The following OLFM4 variants were observed in gnomAD, a reference collection of about 807,000 sequenced individuals.
The protein encoded by OLFM4 is olfactomedin-4.
A neutral mutation model predicts 25.5 loss-of-function variants in OLFM4; 22 were observed. That is an observed-to-expected ratio of 0.86 (90% confidence interval 0.62 to 1.23). The LOEUF (loss-of-function observed/expected upper bound fraction) is 1.23, where lower values mean the gene tolerates loss of function less well. Ranked by LOEUF, OLFM4 falls within the 50% of genes most tolerant of loss-of-function variation. OLFM4 has a pLI of 0.00. For missense variants in OLFM4, 594 were observed against 619.4 expected (o/e 0.96, Z 0.44); for synonymous variants, 255 against 237.7 (o/e 1.07, Z -0.67).
chr13:53,049,885 C>A, intron 4 of OLFM4, 84 bp from the exon 5 acceptor site: 1 of 1,358,876 alleles, frequency 7.4e-7, no homozygotes, highest in Non-Finnish European at 1.0e-6. Flanking sequence ...TTTATAGATT[C>A]CTTTGGTGCT....
At chr13:53,029,540 G>A (rs529120049) in intron 1 of OLFM4, among the ~76,000 whole-genome samples, 59 of 152,278 alleles carry the variant, frequency 3.9e-4, no homozygotes, top group African/African-American at 1.2e-3. Flanking sequence ...AGTAGCCCTC[G>A]AGGGAGTGAG....
chr13:53,034,591 C>T (rs981700915), intron 2 of OLFM4, 91 bp downstream of exon 2: 1 of 1,094,646 alleles, frequency 9.1e-7, no homozygotes, highest in East Asian at 2.6e-5. Context: ...TCATTCTTCA[C>T]TATCAAAGAC....
chr13:53,048,159 G>A (rs1954725304), intron 4 of OLFM4, among the ~76,000 whole-genome samples: 1 of 152,104 alleles, frequency 6.6e-6, no homozygotes, highest in Non-Finnish European at 1.5e-5. Flanking sequence ...ATAAACAAAA[G>A]CAAACAAGCA....
At chr13:53,042,980 C>T (rs1036360529) in intron 3 of OLFM4, 125 bp from the exon 4 acceptor site, 4 of 690,546 alleles carry the variant, frequency 5.8e-6, no homozygotes, top group Admixed American at 6.3e-5. Context: ...CCAAATGAAA[C>T]CATTCAGAAG....
In OLFM4 at chr13:53,033,401, G is replaced by A. The variant is rs190976360; in HGVS notation, c.205-947G>A. On this transcript the variant is annotated intron_variant, in intron 1 of 4. Coordinates refer to ENST00000219022, the MANE Select transcript of OLFM4 (RefSeq NM_006418.5). ...GATGTTAATTTGCAATTTCCCAGGC[G>A]ATGAGAGGATATGAATTTGCATCAT... Among the ~76,000 whole-genome samples the A allele has an allele frequency of 3.3e-5, 5 of 152,272 alleles. No homozygotes were observed. The East Asian group carries it at 5.8e-4, about 18-fold the overall frequency.
intron 1 of OLFM4, among the ~76,000 whole-genome samples, chr13:53,032,239 A>C (rs1954632931): frequency 6.6e-6 from 1 of 152,194 alleles, no homozygotes; most frequent in South Asian, 2.1e-4. Flanking sequence ...GCTTGATGAT[A>C]TCCACTGTTT....
chr13:53,037,120 G>A (rs541142959), intron 2 of OLFM4, among the ~76,000 whole-genome samples: 51 of 152,334 alleles, frequency 3.3e-4, no homozygotes, highest in African/African-American at 1.2e-3. Flanking sequence ...TGCCCGTTTA[G>A]GACAGGCCAG....
chr13:53,033,931 G>A (rs1003909068), intron 1 of OLFM4, among the ~76,000 whole-genome samples: 1 of 80,306 alleles, frequency 1.2e-5, no homozygotes, highest in Admixed American at 1.6e-4. Context: ...GTGGTGGCGG[G>A]CTGTAGTCCC....
chr13:53,042,175 C>A, intron 3 of OLFM4, 53 bp downstream of exon 3: 1 of 1,488,828 alleles, frequency 6.7e-7, no homozygotes, highest in Non-Finnish European at 9.3e-7. Context: ...CCTTCAGTGA[C>A]TGTAAGCAAG....
At chr13:53,038,344 A>C (rs1370839165) in intron 2 of OLFM4, among the ~76,000 whole-genome samples, 1 of 152,182 alleles carries the variant, frequency 6.6e-6, no homozygotes, top group African/African-American at 2.4e-5. Flanking sequence ...ATGTTCTGAT[A>C]AATGCATCGT....
intron 4 of OLFM4, among the ~76,000 whole-genome samples, chr13:53,044,333 C>A (rs1232288047): frequency 6.6e-6 from 1 of 152,160 alleles, no homozygotes; most frequent in Non-Finnish European, 1.5e-5. Context: ...GACACAGGGA[C>A]CTTCTCTCTG....
intron 3 of OLFM4, 43 bp downstream of exon 3, chr13:53,042,165 C>T: frequency 6.5e-7 from 1 of 1,533,356 alleles, no homozygotes; most frequent in Non-Finnish European, 9.0e-7. Flanking sequence ...TAATAAACTC[C>T]CTTCAGTGAC....
chr13:53,031,855 C>A (rs1954630899), intron 1 of OLFM4, among the ~76,000 whole-genome samples: 2 of 152,232 alleles, frequency 1.3e-5, no homozygotes, highest in Non-Finnish European at 2.9e-5. Flanking sequence ...ATCGCATATT[C>A]TTCCAAAGGC....
In OLFM4 at chr13:53,050,968, G is replaced by C. The variant is rs1309677994; in HGVS notation, c.*197G>C. ...TCTTGGGAATCATCTGCCTCTTCAGGCGCATTTTGCAATAAAGTCTGTCTA... is the reference window on the plus strand; with the variant it reads ...TCTTGGGAATCATCTGCCTCTTCAGCCGCATTTTGCAATAAAGTCTGTCTA... On this transcript the variant is annotated 3_prime_UTR_variant, in exon 5 of 5. Coordinates refer to ENST00000219022, the MANE Select transcript of OLFM4 (RefSeq NM_006418.5). The C allele has an allele frequency of 3.6e-6, 2 of 551,234 alleles. No homozygotes were observed. Among genetic ancestry groups the C allele is most frequent in the Admixed American group, 3.6e-5 (1 of 27,884 alleles). The allele number at this position is 551,234 out of a possible 1,614,324, so 34.1% of individuals were successfully genotyped here. A position where few individuals can be genotyped will look rare whatever the true frequency, so the allele number is the denominator to read the frequency against.
chr13:53,033,870 C>T (rs1954641948), intron 1 of OLFM4, among the ~76,000 whole-genome samples: 1 of 146,892 alleles, frequency 6.8e-6, no homozygotes, highest in African/African-American at 2.4e-5. Flanking sequence ...ACCACCCTGG[C>T]TAACACGGTG....
At chr13:53,035,807 A>G (rs897365545) in intron 2 of OLFM4, among the ~76,000 whole-genome samples, 2 of 152,206 alleles carry the variant, frequency 1.3e-5, no homozygotes, top group African/African-American at 4.8e-5. Flanking sequence ...GTTATCTTAA[A>G]GGGTTTGCCT....
At chr13:53,042,990 G>T in intron 3 of OLFM4, 115 bp from the exon 4 acceptor site, 1 of 760,788 alleles carries the variant, frequency 1.3e-6, no homozygotes. Flanking sequence ...CCATTCAGAA[G>T]AATCTCTGGT....
At position 53,050,807 on chromosome 13, in the gene OLFM4, G is replaced by T; in HGVS notation, c.*36G>T. On this transcript the variant is annotated 3_prime_UTR_variant, in exon 5 of 5. Transcript: ENST00000219022. ...AGTTAGGGTGAAAGAGAAAATGTTTGTTGAAAAAATAGTCTTCTCCACTTA... is the reference window on the plus strand; with the variant it reads ...AGTTAGGGTGAAAGAGAAAATGTTTTTTGAAAAAATAGTCTTCTCCACTTA... The T allele has an allele frequency of 6.6e-7, 1 of 1,520,930 alleles. No homozygotes were observed. Among genetic ancestry groups the T allele is most frequent in the African/African-American group, 1.4e-5 (1 of 71,724 alleles). The allele number at this position is 1,520,930 out of a possible 1,614,324, so 94.2% of individuals were successfully genotyped here.
intron 2 of OLFM4, among the ~76,000 whole-genome samples, chr13:53,041,308 C>T (rs1345255911): frequency 2.0e-5 from 3 of 152,118 alleles, no homozygotes; most frequent in Non-Finnish European, 4.4e-5. Flanking sequence ...AGAATGAGAT[C>T]ATGTTCTTTG....
Sources: allele counts gnomAD v4.1 joint callset (sites outside exome capture counted in the v4.1 genomes callset), GRCh38; gene constraint gnomAD v4.1.1; transcripts MANE v1.5; gene names NCBI Gene and HGNC (gene_info 2026-07-23, HGNC 2026-07-21).